VEGFC: variants seen among roughly 807,000 people sequenced by gnomAD.
VEGFC encodes FLT4 ligand DHM.
In VEGFC, 12 loss-of-function variants were observed where a neutral mutation model predicts 46.1. That is an observed-to-expected ratio of 0.26 (90% CI 0.17 to 0.42). VEGFC has a LOEUF of 0.42. Among genes scored for constraint, VEGFC ranks in the 10% least tolerant of loss-of-function variants. VEGFC has a pLI of 1.00. For missense variants in VEGFC, 488 were observed against 529.4 expected (o/e 0.92, Z 0.77); for synonymous variants, 232 against 195.5 (o/e 1.19, Z -1.56).
At chr4:176,696,209 C>T (rs1399333507) in intron 4 of VEGFC, among the ~76,000 whole-genome samples, 13 of 145,184 alleles carry the variant, frequency 9.0e-5, no homozygotes, top group South Asian at 2.3e-4. Context: ...TGTTTGCAGA[C>T]AACATGATTG....
chr4:176,782,073 C>A (rs1417197764), intron 1 of VEGFC, among the ~76,000 whole-genome samples: 1 of 152,216 alleles, frequency 6.6e-6, no homozygotes, highest in Admixed American at 6.5e-5. Flanking sequence ...AAAGTATTAT[C>A]AAGTTCAAGA....
intron 1 of VEGFC, among the ~76,000 whole-genome samples, chr4:176,747,161 T>A (rs757955617): frequency 6.6e-6 from 1 of 152,136 alleles, no homozygotes; most frequent in African/African-American, 2.4e-5. Context: ...AGTGTAGTTA[T>A]ATAAGCTATG....
intron 1 of VEGFC, among the ~76,000 whole-genome samples, chr4:176,791,638 C>T (rs1161392124): frequency 6.6e-6 from 1 of 152,138 alleles, no homozygotes; most frequent in East Asian, 1.9e-4. Context: ...TTCAAGTGAA[C>T]TCTGAAAGCT....
chr4:176,785,508 A>T (rs111537664), intron 1 of VEGFC, among the ~76,000 whole-genome samples: 2,937 of 152,292 alleles, frequency 0.019, 79 homozygotes, highest in African/African-American at 0.067. Context: ...AGAACAGCCA[A>T]AGTATTTATA....
chr4:176,771,755 G>C (rs548493975), intron 1 of VEGFC, among the ~76,000 whole-genome samples: 3 of 152,242 alleles, frequency 2.0e-5, no homozygotes, highest in Admixed American at 6.5e-5. Context: ...ATCTGTACCA[G>C]GTGTTTTATG....
intron 1 of VEGFC, among the ~76,000 whole-genome samples, chr4:176,769,317 G>A (rs1182692828): frequency 2.0e-5 from 3 of 152,004 alleles, no homozygotes; most frequent in Non-Finnish European, 2.9e-5. Flanking sequence ...TGTGGCATGC[G>A]GTGACCTCCT....
Position 176,755,812 on chromosome 4 carries a change from C to A in VEGFC, c.148-26066G>T, listed in dbSNP as rs1057288784. 4.6e-5 allele frequency among the ~76,000 whole-genome samples: 7 copies of A among 151,930 alleles called. No individual in the cohort carries two copies. In the South Asian group the frequency reaches 1.2e-3, roughly 27 times the overall value. On this transcript the variant is annotated intron_variant, in intron 1 of 6. Coordinates refer to ENST00000618562, the MANE Select transcript of VEGFC (RefSeq NM_005429.5). The stretch of plus-strand genomic sequence containing the variant: ...ATTACCACATTACTGTACAGCCAGT[C>A]AGATATTTTTAGGTTGATGACTCAT...
At chr4:176,765,548 G>T (rs1735604880) in intron 1 of VEGFC, among the ~76,000 whole-genome samples, 2 of 142,294 alleles carry the variant, frequency 1.4e-5, no homozygotes, top group Admixed American at 1.4e-4. Context: ...TCCAAAGACA[G>T]AATTTTTTTT....
rs767627714 is a variant in VEGFC, at chr4:176,711,533, T to C, written c.670A>G (p.Ile224Val). 4 of 1,613,112 alleles carry C rather than the reference T, an allele frequency of 2.5e-6. No individual in the cohort carries two copies. The highest frequency in any genetic ancestry group is 1.1e-5 in the South Asian group (1 of 90,880). Reference protein sequence around the residue: ...KLDVYRQVHSIIRRSLPATLP... With the variant: ...KLDVYRQVHSVIRRSLPATLP... ...GTTGCTGGCAGGGAACGTCTAATAA[T>C]GGAATGAACTTGTCTGTAAACATCC... The change falls in exon 4 of 7, where the codon ATT becomes GTT. Residue 224 changes from isoleucine (I) to valine (V), a missense_variant. Transcript: ENST00000618562.
At chr4:176,742,733 C>G (rs537249) in intron 1 of VEGFC, among the ~76,000 whole-genome samples, 141,801 of 152,038 alleles carry the variant, frequency 0.93, 66,955 homozygotes, top group East Asian at 1. Context: ...TATACATTTT[C>G]TTAACACTAA....
chr4:176,752,155 C>T (rs1735352981), intron 1 of VEGFC, among the ~76,000 whole-genome samples: 1 of 151,894 alleles, frequency 6.6e-6, no homozygotes, highest in Admixed American at 6.6e-5. Flanking sequence ...GTGATAAATA[C>T]TCCAGTATCC....
chr4:176,780,395 A>AAAAAAACAAAAAAAC (rs1735895181), intron 1 of VEGFC, among the ~76,000 whole-genome samples: 2 of 151,110 alleles, frequency 1.3e-5, no homozygotes, highest in Admixed American at 6.6e-5. Context: ...AAAAAAAAAA[A>AAAAAAACAAAAAAAC]AAAACTCCTT....
Position 176,684,019 on chromosome 4 carries a change from C to T in VEGFC, c.1167G>A (p.Thr389=), listed in dbSNP as rs370007298. ...QTCSCYRRPC[T]NRQKACEPGF... is the part of the protein sequence containing the mutation. ...CTGGCTCACAAGCCTTCTGGCGGTT[C>T]GTACATGGCCGTCTGTAACAGCTAG... The change falls in exon 7 of 7, where the codon ACG becomes ACA. Residue 389 remains threonine (T), a synonymous_variant. Coordinates refer to ENST00000618562, the MANE Select transcript of VEGFC (RefSeq NM_005429.5). The T allele has an allele frequency of 5.5e-5, 88 of 1,614,026 alleles. No individual in the cohort carries two copies. The highest frequency in any genetic ancestry group is 8.9e-5 in the East Asian group (4 of 44,892).
intron 1 of VEGFC, among the ~76,000 whole-genome samples, chr4:176,787,860 C>G (rs563732927): frequency 3.9e-5 from 6 of 152,162 alleles, no homozygotes; most frequent in Non-Finnish European, 7.3e-5. Context: ...TTAAAGTTCT[C>G]TGCTATATCT....
intron 4 of VEGFC, among the ~76,000 whole-genome samples, chr4:176,698,569 C>T (rs933399170): frequency 6.6e-6 from 1 of 152,016 alleles, no homozygotes; most frequent in African/African-American, 2.4e-5. Flanking sequence ...CATATCCACA[C>T]CTCAAAGAGT....
chr4:176,774,216 T>C (rs1204587950), intron 1 of VEGFC, among the ~76,000 whole-genome samples: 2 of 152,090 alleles, frequency 1.3e-5, no homozygotes, highest in East Asian at 3.8e-4. Context: ...TAATATATGC[T>C]ATAGGACTAC....
At chr4:176,767,123 T>TAAAAAAAAAAAAAAAAA (rs70964805) in intron 1 of VEGFC, among the ~76,000 whole-genome samples, 3 of 50,482 alleles carry the variant, frequency 5.9e-5, no homozygotes, top group African/African-American at 8.3e-5. Context: ...TGTAGAAATC[T>TAAAAAAAAAAAAAAAAA]AAAAAAAAAA....
chr4:176,705,486 A>G (rs1734517665), intron 4 of VEGFC, among the ~76,000 whole-genome samples: 1 of 152,206 alleles, frequency 6.6e-6, no homozygotes. Context: ...AATACTAGAA[A>G]TGTTAGAAGA....
chr4:176,774,050 C>A (rs1381234457), intron 1 of VEGFC, among the ~76,000 whole-genome samples: 1 of 151,846 alleles, frequency 6.6e-6, no homozygotes, highest in Non-Finnish European at 1.5e-5. Flanking sequence ...CTTATAGAGG[C>A]GGCTTCATTT....
Sources: gnomAD v4.1 joint callset for allele counts (sites outside exome capture counted in the v4.1 genomes callset) on GRCh38, gnomAD v4.1.1 for gene constraint, MANE v1.5 for transcripts, NCBI Gene and HGNC (gene_info 2026-07-23, HGNC 2026-07-21) for gene names.